ATAD2B: variants seen among roughly 807,000 people sequenced by gnomAD.
The protein encoded by ATAD2B is ATPase family AAA domain-containing protein 2B.
A neutral mutation model predicts 167.6 loss-of-function variants in ATAD2B; 40 were observed. The observed-to-expected ratio is 0.24, with a 90% confidence interval of 0.19 to 0.31. The LOEUF is 0.31. Among genes scored for constraint, ATAD2B ranks in the 10% least tolerant of loss-of-function variants. The probability of loss-of-function intolerance (pLI) is 1.00; values close to 1 mark genes in which losing one functional copy is unlikely to be tolerated. For synonymous variants in ATAD2B, 579 were observed against 596.5 expected (o/e 0.97, Z 0.43); for missense variants, 1,242 against 1,757.2 (o/e 0.71, Z 5.24).
intron 13 of ATAD2B, among the ~76,000 whole-genome samples, chr2:23,854,533 C>A (rs1047178591): frequency 3.3e-5 from 5 of 151,996 alleles, no homozygotes; most frequent in African/African-American, 1.2e-4. Flanking sequence ...CAAAAATTAG[C>A]CAGGCGTGGT....
chr2:23,801,854 T>TGCACTTACAAGAGTGCACTTGCA (rs1487308386), intron 18 of ATAD2B, among the ~76,000 whole-genome samples: 2 of 152,094 alleles, frequency 1.3e-5, no homozygotes, highest in Non-Finnish European at 2.9e-5. Flanking sequence ...TTACAAGAGT[T>TGCACTTACAAGAGTGCACTTGCA]CTAATCATCT....
At chr2:23,691,875 C>A in the ATAD2B span, 1 of 1,548,424 alleles carries the variant, frequency 6.5e-7, no homozygotes. Flanking sequence ...TGTCCTTTCT[C>A]GGTGAGCCCG....
At chr2:23,803,883 CA>C (rs1683911748) in intron 18 of ATAD2B, among the ~76,000 whole-genome samples, 1 of 152,076 alleles carries the variant, frequency 6.6e-6, no homozygotes, top group African/African-American at 2.4e-5. Flanking sequence ...TACTAAATAC[CA>C]AACTTAATTT....
At chr2:23,901,725 A>C (rs1268425317) in intron 1 of ATAD2B, among the ~76,000 whole-genome samples, 1 of 152,128 alleles carries the variant, frequency 6.6e-6, no homozygotes, top group Non-Finnish European at 1.5e-5. Flanking sequence ...AAAACTTCTA[A>C]GAGTATTATG....
intron 10 of ATAD2B, among the ~76,000 whole-genome samples, chr2:23,867,440 T>A (rs1473794164): frequency 6.6e-6 from 1 of 152,222 alleles, no homozygotes; most frequent in Admixed American, 6.5e-5. Context: ...TACTCCAGAT[T>A]ACTAGACTAC....
chr2:23,886,647 C>T (rs1016585573), intron 4 of ATAD2B, among the ~76,000 whole-genome samples: 1 of 152,124 alleles, frequency 6.6e-6, no homozygotes, highest in Non-Finnish European at 1.5e-5. Context: ...GAAATACATG[C>T]TAGGCCGGGA....
At chr2:23,892,324 T>C (rs1264869412) in intron 2 of ATAD2B, among the ~76,000 whole-genome samples, 1 of 152,054 alleles carries the variant, frequency 6.6e-6, no homozygotes, top group African/African-American at 2.4e-5. Context: ...CCACCACGCC[T>C]GGCTAATTTT....
intron 19 of ATAD2B, 92 bp from the exon 20 acceptor site, chr2:23,788,739 A>G (rs2149416604): frequency 1.1e-5 from 12 of 1,052,590 alleles, no homozygotes; most frequent in Middle Eastern, 3.1e-4. Context: ...ATCTTCCAGT[A>G]TCATGTTCAA....
chr2:23,811,308 T>C (rs7564732), intron 17 of ATAD2B: 123,935 of 152,112 alleles, frequency 0.81, 50,593 homozygotes, highest in East Asian at 0.94. Flanking sequence ...GGATTAGTTA[T>C]ATCATCAAAG....
At chr2:23,866,146 C>T (rs1695093276) in intron 10 of ATAD2B, 2 of 157,616 alleles carry the variant, frequency 1.3e-5, no homozygotes, top group Non-Finnish European at 1.4e-5. Context: ...TGGCTCACGC[C>T]TGTAATCCTA....
the ATAD2B span, among the ~76,000 whole-genome samples, chr2:23,737,069 C>T: frequency 6.6e-6 from 1 of 152,234 alleles, no homozygotes; most frequent in Admixed American, 6.5e-5. Flanking sequence ...CTGGATGGAG[C>T]CCACCACAGC....
chr2:23,866,210 A>G (rs1465618879), intron 10 of ATAD2B, among the ~76,000 whole-genome samples: 1 of 152,206 alleles, frequency 6.6e-6, no homozygotes, highest in Non-Finnish European at 1.5e-5. Flanking sequence ...GTTCGAGACC[A>G]GCTTGACCAA....
the ATAD2B span, among the ~76,000 whole-genome samples, chr2:23,718,556 T>C: frequency 1.3e-5 from 2 of 152,188 alleles, no homozygotes; most frequent in African/African-American, 4.8e-5. Flanking sequence ...TGAACTATGA[T>C]GTAGGCCACC....
chr2:23,906,651 A>T (rs1028740596), intron 1 of ATAD2B, among the ~76,000 whole-genome samples: 3 of 152,110 alleles, frequency 2.0e-5, no homozygotes, highest in African/African-American at 7.2e-5. Flanking sequence ...AAAGCCAGGC[A>T]GAGACACAAC....
At chr2:23,744,861 C>CT (rs1674735902), downstream of ATAD2B, among the ~76,000 whole-genome samples, 1 of 152,148 alleles carries the variant, frequency 6.6e-6, no homozygotes, top group Admixed American at 6.6e-5. Context: ...TAAATCTTCT[C>CT]TGAAATTTTT....
intron 22 of ATAD2B, among the ~76,000 whole-genome samples, chr2:23,766,926 A>AG (rs1198690973): frequency 1.3e-5 from 2 of 151,714 alleles, no homozygotes; most frequent in Non-Finnish European, 2.9e-5. Context: ...GGGGGAAAAA[A>AG]AAAAAAACAA....
At chr2:23,710,050 G>A in the ATAD2B span, among the ~76,000 whole-genome samples, 3 of 152,210 alleles carry the variant, frequency 2.0e-5, no homozygotes, top group African/African-American at 7.2e-5. Context: ...CAGAGCTGAT[G>A]TGGATAGTGA....
the ATAD2B span, chr2:23,684,482 G>T: frequency 6.4e-7 from 1 of 1,551,252 alleles, no homozygotes; most frequent in Non-Finnish European, 8.7e-7. This position sits in a 1 kb window ranked among gnomAD's most constrained non-coding sequence, Gnocchi z 4.4. Context: ...AGAGTTTGAA[G>T]TCCACCAAAA....
chr2:23,682,782 C>T, the ATAD2B span, among the ~76,000 whole-genome samples: 20 of 152,170 alleles, frequency 1.3e-4, no homozygotes, highest in Admixed American at 9.2e-4. The surrounding 1 kb of genome is among the most constrained non-coding windows in gnomAD (Gnocchi z 4.1). Flanking sequence ...GCTCACCCCA[C>T]GTAGATCCTT....
Sources: allele counts gnomAD v4.1 joint callset (sites outside exome capture counted in the v4.1 genomes callset), GRCh38; gene constraint gnomAD v4.1.1; non-coding constraint Gnocchi (gnomAD v3.1); transcripts MANE v1.5; gene names NCBI Gene and HGNC (gene_info 2026-07-23, HGNC 2026-07-21).